NRXN3: variants seen among roughly 807,000 people sequenced by gnomAD.
NRXN3 encodes neurexin III.
NRXN3 carries 32 observed loss-of-function variants against 137.6 expected under a neutral mutation model. The observed-to-expected ratio is 0.23, with a 90% confidence interval of 0.18 to 0.31. NRXN3 has a LOEUF of 0.31. Ranked by LOEUF, NRXN3 falls within the 10% of genes least tolerant of loss-of-function variation. The pLI is 1.00. For missense variants in NRXN3, 1,574 were observed against 2,062.5 expected (o/e 0.76, Z 4.59); for synonymous variants, 798 against 784.5 (o/e 1.02, Z -0.29).
intron 8 of NRXN3, among the ~76,000 whole-genome samples, chr14:78,773,234 G>A (rs2098734066): frequency 6.6e-6 from 1 of 152,176 alleles, no homozygotes; most frequent in Non-Finnish European, 1.5e-5. Context: ...CTATACCAAT[G>A]ACAAAACCTT....
chr14:79,733,878 A>G (rs1326354310), intron 19 of NRXN3, among the ~76,000 whole-genome samples: 1 of 152,182 alleles, frequency 6.6e-6, no homozygotes, highest in Non-Finnish European at 1.5e-5. Context: ...AGGACCAAGG[A>G]CATTCACTTG....
At chr14:79,421,679 C>T (rs2095577400) in intron 15 of NRXN3, among the ~76,000 whole-genome samples, 1 of 152,136 alleles carries the variant, frequency 6.6e-6, no homozygotes, top group South Asian at 2.1e-4. Context: ...CCTAACAAAA[C>T]CCATAGAGGT....
chr14:79,127,663 T>G (rs1353145889), intron 15 of NRXN3, among the ~76,000 whole-genome samples: 98 of 152,184 alleles, frequency 6.4e-4, no homozygotes, highest in African/African-American at 2.2e-3. Flanking sequence ...ATGCAGGCTC[T>G]TTTTTGGTTC....
intron 4 of NRXN3, among the ~76,000 whole-genome samples, chr14:78,530,931 C>G (rs918798939): frequency 3.3e-5 from 5 of 152,150 alleles, no homozygotes; most frequent in African/African-American, 1.2e-4. Context: ...TATTCAAATG[C>G]AGAGCTTTGC....
intron 15 of NRXN3, among the ~76,000 whole-genome samples, chr14:79,101,588 C>T (rs1014477735): frequency 6.6e-6 from 1 of 152,166 alleles, no homozygotes; most frequent in Non-Finnish European, 1.5e-5. Context: ...TGGTCAGCAA[C>T]GCTCCCTCTG....
intron 8 of NRXN3, among the ~76,000 whole-genome samples, chr14:78,724,418 A>G (rs1398484904): frequency 6.6e-6 from 1 of 152,236 alleles, no homozygotes; most frequent in African/African-American, 2.4e-5. Flanking sequence ...GGCAGAGTAT[A>G]AAGAGTTGTG....
chr14:79,775,892 CAA>C, intron 19 of NRXN3, among the ~76,000 whole-genome samples: 1 of 152,180 alleles, frequency 6.6e-6, no homozygotes, highest in Non-Finnish European at 1.5e-5. Context: ...AAGGATCAAA[CAA>C]TACCCTCACA....
At chr14:79,549,246 C>T (rs896425226) in intron 16 of NRXN3, among the ~76,000 whole-genome samples, 1 of 152,068 alleles carries the variant, frequency 6.6e-6, no homozygotes, top group Admixed American at 6.6e-5. Flanking sequence ...CTAAGACTCC[C>T]TCTGGGAGAT....
At chr14:78,969,730 T>C (rs1333092965) in intron 14 of NRXN3, among the ~76,000 whole-genome samples, 3 of 152,142 alleles carry the variant, frequency 2.0e-5, no homozygotes, top group Non-Finnish European at 4.4e-5. Context: ...ATAGGAATGT[T>C]CATTCCTATA....
At chr14:78,527,522 A>G (rs756680719) in intron 4 of NRXN3, among the ~76,000 whole-genome samples, 2 of 152,128 alleles carry the variant, frequency 1.3e-5, no homozygotes, top group Non-Finnish European at 2.9e-5. Context: ...GGGGATTACA[A>G]TTGAGCTTGA....
chr14:79,405,799 C>A (rs894258159), intron 15 of NRXN3, among the ~76,000 whole-genome samples: 1 of 152,068 alleles, frequency 6.6e-6, no homozygotes, highest in Admixed American at 6.6e-5. Context: ...ATGAGGGAAC[C>A]TTTGTCTTCT....
chr14:78,571,338 A>G (rs2096887485), intron 4 of NRXN3, among the ~76,000 whole-genome samples: 1 of 152,136 alleles, frequency 6.6e-6, no homozygotes, highest in South Asian at 2.1e-4. Context: ...CACAGAGTAA[A>G]CCTGGCCATA....
chr14:78,728,725 C>T (rs1276571209), intron 8 of NRXN3, among the ~76,000 whole-genome samples: 7 of 151,958 alleles, frequency 4.6e-5, no homozygotes, highest in East Asian at 1.9e-4. Context: ...GTGAAAACCC[C>T]GTCTCTACTA....
chr14:79,336,314 A>G (rs951175897), intron 15 of NRXN3, among the ~76,000 whole-genome samples: 2 of 152,066 alleles, frequency 1.3e-5, no homozygotes, highest in Non-Finnish European at 2.9e-5. Context: ...AAAAAAAATC[A>G]CCTTTTGACA....
chr14:78,222,623 A>G (rs144313998), intron 1 of NRXN3, among the ~76,000 whole-genome samples: 15 of 152,110 alleles, frequency 9.9e-5, no homozygotes, highest in African/African-American at 3.6e-4. Flanking sequence ...TTTTGGCACT[A>G]CAAATAAGGA....
chr14:78,294,390 G>A (rs2076105472), intron 3 of NRXN3, among the ~76,000 whole-genome samples: 2 of 151,736 alleles, frequency 1.3e-5, no homozygotes, highest in Admixed American at 1.3e-4. Context: ...CCCCGTCTCT[G>A]CTGAAAAATA....
intron 15 of NRXN3, among the ~76,000 whole-genome samples, chr14:79,286,461 T>G (rs1427614392): frequency 1.3e-5 from 2 of 151,210 alleles, no homozygotes; most frequent in Non-Finnish European, 2.9e-5. Context: ...AAAGTTCATC[T>G]GAAAATATAA....
chr14:78,818,586 T>C (rs1269857780), intron 10 of NRXN3, among the ~76,000 whole-genome samples: 2 of 152,172 alleles, frequency 1.3e-5, no homozygotes, highest in African/African-American at 4.8e-5. Context: ...TCATGAAGTC[T>C]GATTGGGCCA....
intron 16 of NRXN3, among the ~76,000 whole-genome samples, chr14:79,513,810 G>A (rs74070258): frequency 0.027 from 4,163 of 152,230 alleles, 198 homozygotes; most frequent in African/African-American, 0.095. Flanking sequence ...ATAGGACTGT[G>A]AGCACAAATT....
Sources: allele counts gnomAD v4.1 joint callset (sites outside exome capture counted in the v4.1 genomes callset), GRCh38; gene constraint gnomAD v4.1.1; transcripts MANE v1.5; gene names NCBI Gene and HGNC (gene_info 2026-07-23, HGNC 2026-07-21).